LEMD2: variants seen among roughly 807,000 people sequenced by gnomAD.
LEMD2 encodes the protein LEM domain nuclear envelope protein 2, also known as LEM domain-containing protein 2.
Under a neutral mutation model 58.8 loss-of-function variants are expected in LEMD2, and 34 were observed. The observed-to-expected ratio is 0.58, with a 90% confidence interval of 0.44 to 0.77. The LOEUF (loss-of-function observed/expected upper bound fraction) is 0.77. Ranked by LOEUF, LEMD2 falls within the 30% of genes least tolerant of loss-of-function variation. The pLI is 0.00. For missense variants in LEMD2, 629 were observed against 717.9 expected, an observed-to-expected ratio of 0.88 and a Z score of 1.42; for synonymous variants, 298 against 308.9, an observed-to-expected ratio of 0.96 and a Z score of 0.37.
Position 33,789,103 on chromosome 6 carries a change from G to T in LEMD2, c.14C>A (p.Ser5Ter), listed in dbSNP as rs760506574. The T allele has an allele frequency of 6.5e-7, 1 of 1,535,726 alleles. No individual in the cohort carries two copies. The highest frequency in any genetic ancestry group is 2.0e-5 in the Admixed American group (1 of 50,256). ...CAGCTCCCGCCGCAGTTCCAGGTCCGACAGGCCGGCCATGGCCAGGACGCC... is the reference window on the plus strand; with the variant it reads ...CAGCTCCCGCCGCAGTTCCAGGTCCTACAGGCCGGCCATGGCCAGGACGCC... MAGL[S>*]DLELRRELQA... is the part of the protein sequence containing the mutation. Residue 5 changes from serine (S) to a stop codon, truncating the protein, a stop_gained, in exon 1 of 9, where the codon TCG becomes TAG. Coordinates refer to ENST00000293760, the MANE Select transcript of LEMD2 (RefSeq NM_181336.4). LOFTEE classifies it high-confidence loss of function.
chr6:33,776,813 G>A, intron 8 of LEMD2, 141 bp downstream of exon 8: 1 of 680,498 alleles, frequency 1.5e-6, no homozygotes. Flanking sequence ...CAGCAGGAGT[G>A]GGAGCAGAGC....
chr6:33,781,502 A>G (rs148208308), intron 3 of LEMD2: 2 of 221,172 alleles, frequency 9.0e-6, no homozygotes, highest in East Asian at 2.3e-4. Flanking sequence ...CCTGAGAAAA[A>G]AGAAAGGCAG....
chr6:33,777,375 G>A, intron 6 of LEMD2, 136 bp from the exon 7 acceptor site: 1 of 712,778 alleles, frequency 1.4e-6, no homozygotes, highest in East Asian at 2.5e-5. Flanking sequence ...CAGGCTCAGG[G>A]CCAGCATGCG....
Position 33,778,200 on chromosome 6 carries a change from C to T in LEMD2, c.1156+42G>A. 6.5e-7 allele frequency: 1 copy of T among 1,530,292 alleles called. No homozygotes were observed. The highest frequency in any genetic ancestry group is 2.3e-5 in the East Asian group (1 of 42,668). The allele number at this position is 1,530,292 out of a possible 1,614,324, so 94.8% of individuals were successfully genotyped here. On this transcript the variant is annotated intron_variant, in intron 6 of 8. Coordinates refer to ENST00000293760, the MANE Select transcript of LEMD2 (RefSeq NM_181336.4). This position sits in a 1 kb window ranked among gnomAD's most constrained non-coding sequence, Gnocchi z 4.7. ...CTCATCATTCATGCCTAGGAGTATG[C>T]TTGACTGCACAGAAGGGGAGGGAAG...
chr6:33,772,843 C>T, intron 8 of LEMD2, 65 bp from the exon 9 acceptor site: 1 of 1,431,044 alleles, frequency 7.0e-7, no homozygotes, highest in Non-Finnish European at 9.6e-7. Context: ...GGATGCCCCT[C>T]CTACAAAGGG....
At chr6:33,788,333 G>A (rs892074070) in intron 1 of LEMD2, 48 bp downstream of exon 1, 13 of 1,497,736 alleles carry the variant, frequency 8.7e-6, no homozygotes, top group African/African-American at 5.6e-5. Context: ...GTCCTCCGGC[G>A]GACACACGCG....
At chr6:33,773,219 G>C (rs1767344824) in intron 8 of LEMD2, among the ~76,000 whole-genome samples, 1 of 152,184 alleles carries the variant, frequency 6.6e-6, no homozygotes, top group African/African-American at 2.4e-5. Flanking sequence ...CCAGGGGATG[G>C]GATGAGCTAA....
At chr6:33,777,269 T>C in intron 6 of LEMD2, 30 bp from the exon 7 acceptor site, 1 of 1,431,146 alleles carries the variant, frequency 7.0e-7, no homozygotes, top group Non-Finnish European at 9.9e-7. Flanking sequence ...TGTTAATCCC[T>C]CACACTTCAT....
At chr6:33,781,741 C>G (rs1767569635) in intron 3 of LEMD2, 1 of 152,650 alleles carries the variant, frequency 6.6e-6, no homozygotes, top group Non-Finnish European at 1.5e-5. Flanking sequence ...CCTCCCCGGT[C>G]CAGCCCAGGG....
chr6:33,781,118 T>C lies in LEMD2; in HGVS notation c.889A>G (p.Ser297Gly), dbSNP rs771548102. 21 of 1,613,008 alleles carry C rather than the reference T, an allele frequency of 1.3e-5. No individual in the cohort carries two copies. In the Admixed American group the frequency reaches 3.2e-4, roughly 24 times the overall value. Residue 297 changes from serine (S) to glycine (G), a missense_variant, in exon 4 of 9, where the codon AGC becomes GGC. Ser to Gly is a moderately conservative substitution (Grantham distance 56). This residue lies in a region of LEMD2 where 243 missense variants were observed against 336.8 expected (regional missense o/e 0.72). Coordinates refer to ENST00000293760, the MANE Select transcript of LEMD2 (RefSeq NM_181336.4). ...GCTTCCATAACAGGAATGCATTTGC[T>C]TTTTAGATTCTCTGGATTTCCACAC... ...FECGNPENLK[S>G]KCIPVMEAQE...
At chr6:33,773,604 G>C (rs1281230361) in intron 8 of LEMD2, among the ~76,000 whole-genome samples, 1 of 144,140 alleles carries the variant, frequency 6.9e-6, no homozygotes, top group African/African-American at 2.8e-5. Context: ...CGGGGGGGGG[G>C]CTAGGGCTTC....
rs2296745 is a variant in LEMD2, at chr6:33,776,870, C to T, written c.1361+84G>A. ...CACTGCCCTCAGCTGACATCTGATG[C>T]AAGGCTCTGGGTTTCCTTCTGGGGA... On this transcript the variant is annotated intron_variant, in intron 8 of 8. Coordinates refer to ENST00000293760, the MANE Select transcript of LEMD2 (RefSeq NM_181336.4). 9.0e-4 allele frequency: 1,007 copies of T among 1,123,360 alleles called. 13 individuals are homozygous for T. In the East Asian group the frequency reaches 0.021, roughly 23 times the overall value. The allele number at this position is 1,123,360 out of a possible 1,614,324, so 69.6% of individuals were successfully genotyped here. A position where few individuals can be genotyped will look rare whatever the true frequency, so the allele number is the denominator to read the frequency against.
chr6:33,771,459 TTAA>T lies in LEMD2; in HGVS notation c.*1166_*1168del, dbSNP rs1043574790. ...TACCAGTAAGACTAGAGAGGGGTGG[TTAA>T]TGTTTCTGGAGGCAGCTGTGGAATT... On this transcript the variant is annotated 3_prime_UTR_variant, in exon 9 of 9. Coordinates refer to ENST00000293760, the MANE Select transcript of LEMD2 (RefSeq NM_181336.4). 3 of 152,114 alleles carry T rather than the reference TTAA, an allele frequency of 2.0e-5. No individual in the cohort carries two copies. The highest frequency in any genetic ancestry group is 4.8e-5 in the African/African-American group (2 of 41,404). 9.4% of individuals were successfully genotyped at this position (152,114 alleles called of 1,614,324 possible).
intron 8 of LEMD2, among the ~76,000 whole-genome samples, chr6:33,775,542 T>C (rs1005850115): frequency 6.6e-6 from 1 of 152,188 alleles, no homozygotes; most frequent in Non-Finnish European, 1.5e-5. Flanking sequence ...CTTGAACTCA[T>C]GGGCTCAAGC....
At position 33,784,415 on chromosome 6, in the gene LEMD2, T is replaced by C; in HGVS notation, c.790A>G (p.Lys264Glu). Residue 264 changes from lysine to glutamate, a missense_variant, in exon 3 of 9, where the codon AAG becomes GAG. Around this residue, in one of 2 missense-constraint regions of LEMD2, gnomAD observed 243 missense variants for 336.8 expected, o/e 0.72. Coordinates refer to ENST00000293760, the MANE Select transcript of LEMD2 (RefSeq NM_181336.4). ...AGCTCCAGCAAGGCTGCCTTCTGCT[T>C]GGCCTGACAGAACTGGAAAGGCACG... ...ERKTDEFCQA[K>E]QKAALLELLH... The C allele has an allele frequency of 1.5e-6, 2 of 1,342,250 alleles. No homozygotes were observed. The highest frequency in any genetic ancestry group is 2.0e-6 in the Non-Finnish European group (2 of 1,023,810). The allele number at this position is 1,342,250 out of a possible 1,614,324, so 83.1% of individuals were successfully genotyped here.
In LEMD2 at chr6:33,788,529, C is replaced by T; in HGVS notation, c.588G>A (p.Ala196=). 5.3e-6 allele frequency: 8 copies of T among 1,508,610 alleles called. No homozygotes were observed. The highest frequency in any genetic ancestry group is 7.1e-6 in the Non-Finnish European group (8 of 1,128,746). The allele number at this position is 1,508,610 out of a possible 1,614,324, so 93.5% of individuals were successfully genotyped here. Residue 196 remains alanine, a synonymous_variant, in exon 1 of 9, where the codon GCG becomes GCA. Coordinates refer to ENST00000293760, the MANE Select transcript of LEMD2 (RefSeq NM_181336.4). ...GGCGCCCCACCTCAGGCCGGGCCCT[C>T]GCCGCGCCAGCAGGGCCCGCTCGAG... ...RATRAGPAGA[A]RARPEVGRRL...
At chr6:33,788,060 G>C (rs1561928687) in intron 1 of LEMD2, among the ~76,000 whole-genome samples, 1 of 152,220 alleles carries the variant, frequency 6.6e-6, no homozygotes, top group Admixed American at 6.5e-5. Context: ...TCTGTTAGAG[G>C]GGGGTGTGGC....
In LEMD2 at chr6:33,788,745, G is replaced by C; in HGVS notation, c.372C>G (p.Ala124=). 6.9e-7 allele frequency: 1 copy of C among 1,440,744 alleles called. No homozygotes were observed. Among genetic ancestry groups the C allele is most frequent in the Non-Finnish European group, 9.1e-7 (1 of 1,098,682 alleles). 89.2% of individuals were successfully genotyped at this position (1,440,744 alleles called of 1,614,324 possible). Residue 124 remains alanine (A), a synonymous_variant, in exon 1 of 9, where the codon GCC becomes GCG. Transcript: ENST00000293760. ...CGCGGCGCCTGAGTTGCGCCGGGCG[G>C]GCAGGATAGGCGAGGCCGCGGCTCC... is the stretch of plus-strand genomic sequence containing the variant. ...WVGSRGLAYP[A]RPAQLRRRAS...
intron 1 of LEMD2, among the ~76,000 whole-genome samples, chr6:33,788,055 TAG>T (rs1201364707): frequency 6.6e-6 from 1 of 152,120 alleles, no homozygotes; most frequent in African/African-American, 2.4e-5. Context: ...GTGAATCTGT[TAG>T]AGGGGGGTGT....
Sources: allele counts gnomAD v4.1 joint callset (sites outside exome capture counted in the v4.1 genomes callset), GRCh38; gene constraint gnomAD v4.1.1; regional missense constraint gnomAD v4.1.1; non-coding constraint Gnocchi (gnomAD v3.1); transcripts MANE v1.5; gene names NCBI Gene and HGNC (gene_info 2026-07-23, HGNC 2026-07-21).